Variants in GRIK1 observed in about 807,000 individuals in gnomAD.
GRIK1 encodes glutamate ionotropic receptor kainate type subunit 1.
Under a neutral mutation model 105.7 loss-of-function variants are expected in GRIK1, and 69 were observed. The observed-to-expected ratio is 0.65, with a 90% confidence interval of 0.54 to 0.80. The LOEUF is 0.80. GRIK1 is among the 30% of genes least tolerant of loss of function. The pLI is 0.00. For missense variants in GRIK1, 1,109 were observed against 1,167.3 expected, an observed-to-expected ratio of 0.95 and a Z score of 0.73; for synonymous variants, 438 against 431.3, an observed-to-expected ratio of 1.02 and a Z score of -0.19.
chr21:29,658,047 C>A (rs1455853126), intron 4 of GRIK1, among the ~76,000 whole-genome samples: 1 of 152,124 alleles, frequency 6.6e-6, no homozygotes, highest in Non-Finnish European at 1.5e-5. Context: ...TGGTGCTGAC[C>A]TAGGCAGTAT....
intron 1 of GRIK1, among the ~76,000 whole-genome samples, chr21:29,864,289 A>C (rs1400867876): frequency 6.6e-6 from 1 of 152,260 alleles, no homozygotes; most frequent in South Asian, 2.1e-4. Flanking sequence ...GGCCACAAAA[A>C]GTCTGATGTT....
At chr21:29,551,868 A>T (rs1568800214) in intron 16 of GRIK1, among the ~76,000 whole-genome samples, 2 of 152,182 alleles carry the variant, frequency 1.3e-5, no homozygotes, top group African/African-American at 4.8e-5. Flanking sequence ...TATGAAACTA[A>T]GAATAATGTC....
chr21:29,628,239 TA>T, intron 7 of GRIK1, among the ~76,000 whole-genome samples: 1 of 152,312 alleles, frequency 6.6e-6, no homozygotes, highest in East Asian at 1.9e-4. Context: ...AAATAAACAT[TA>T]AGCAAAGGAA....
rs199499739 is a variant in GRIK1 at position 29,598,007 on chromosome 21, G to GA, written c.1206+822dup. On this transcript the variant is annotated intron_variant, in intron 8 of 17. Transcript: ENST00000327783. ...CACACTGTCTTATTCACTATAGTGGGAAAAAAAATGTCAGATTATAGAGTT... is the reference window on the plus strand; with the variant it reads ...CACACTGTCTTATTCACTATAGTGGGAAAAAAAAATGTCAGATTATAGAGTT... 1.1e-3 allele frequency among the ~76,000 whole-genome samples: 173 copies of GA among 151,940 alleles called. 2 individuals carry two copies. The East Asian group carries it at 0.027, about 24-fold the overall frequency.
intron 9 of GRIK1, among the ~76,000 whole-genome samples, chr21:29,593,925 T>G (rs1422824491): frequency 1.3e-5 from 2 of 152,230 alleles, no homozygotes; most frequent in Non-Finnish European, 2.9e-5. Flanking sequence ...AGCTAAGAGA[T>G]CATTGCTGCT....
chr21:29,833,895 A>G (rs759760617), intron 1 of GRIK1, among the ~76,000 whole-genome samples: 8 of 152,194 alleles, frequency 5.3e-5, no homozygotes, highest in Admixed American at 1.3e-4. Flanking sequence ...TCACAGCACC[A>G]TGAACTTCTC....
At chr21:29,731,917 T>C (rs2064635917) in intron 1 of GRIK1, among the ~76,000 whole-genome samples, 1 of 152,230 alleles carries the variant, frequency 6.6e-6, no homozygotes, top group Non-Finnish European at 1.5e-5. Context: ...TGTTCTTCCT[T>C]CAATTTTAGC....
intron 1 of GRIK1, among the ~76,000 whole-genome samples, chr21:29,806,586 C>T (rs1394221234): frequency 5.3e-5 from 8 of 152,058 alleles, no homozygotes; most frequent in African/African-American, 1.9e-4. Context: ...GGAGTATCAT[C>T]CATATTGATC....
chr21:29,689,725 T>C lies in GRIK1; in HGVS notation c.544+3A>G, dbSNP rs773350589. On this transcript the variant is annotated splice_donor_region_variant and intron_variant, in intron 3 of 17. Coordinates refer to ENST00000327783, the MANE Select transcript of GRIK1 (RefSeq NM_001330994.2). Reference sequence around the variant, plus strand: ...CGGGTGAGGTCTTGTGTGAGTCCCATACCTGTGCTGTCTTCATACACCACT... The same window carrying C: ...CGGGTGAGGTCTTGTGTGAGTCCCACACCTGTGCTGTCTTCATACACCACT... 6.2e-7 allele frequency: 1 copy of C among 1,613,762 alleles called. No individual in the cohort carries two copies. The highest frequency in any genetic ancestry group is 2.2e-5 in the East Asian group (1 of 44,874).
At chr21:29,698,191 A>T (rs1230373955) in intron 1 of GRIK1, among the ~76,000 whole-genome samples, 1 of 152,104 alleles carries the variant, frequency 6.6e-6, no homozygotes, top group Non-Finnish European at 1.5e-5. Flanking sequence ...TTGGAGGCCC[A>T]TTGGTTTGAG....
chr21:29,569,561 A>G (rs951876535), intron 14 of GRIK1, among the ~76,000 whole-genome samples: 59 of 152,352 alleles, frequency 3.9e-4, no homozygotes, highest in African/African-American at 1.4e-3. Flanking sequence ...ATTTCTTGAG[A>G]AGAAGACTAG....
In GRIK1 at chr21:29,909,464, ATAAT is replaced by A. The variant is rs200516993; in HGVS notation, c.118+29915_118+29918del. On this transcript the variant is annotated intron_variant, in intron 1 of 17. Transcript: ENST00000327783. ...CTAATTAAATAGAATATTAAATAAA[ATAAT>A]TAATAGAATATTTAATTAAATAGAA... Among the ~76,000 whole-genome samples, 449 of 151,730 alleles carry A rather than the reference ATAAT, an allele frequency of 3.0e-3. 7 individuals carry two copies. The East Asian group carries it at 0.056, about 19-fold the overall frequency.
chr21:29,650,156 G>A (rs1039188772), intron 6 of GRIK1, among the ~76,000 whole-genome samples: 2 of 152,162 alleles, frequency 1.3e-5, no homozygotes, highest in Non-Finnish European at 2.9e-5. Context: ...TAGGGAGCCT[G>A]AACATAGAAT....
intron 6 of GRIK1, among the ~76,000 whole-genome samples, 154 bp from the exon 7 acceptor site, chr21:29,643,123 T>C (rs1024247650): frequency 1.3e-5 from 2 of 152,148 alleles, no homozygotes; most frequent in African/African-American, 4.8e-5. Flanking sequence ...CCAATAGCTA[T>C]TTTTCTCCAA....
chr21:29,815,671 T>C (rs2067136266), intron 1 of GRIK1, among the ~76,000 whole-genome samples: 2 of 152,168 alleles, frequency 1.3e-5, no homozygotes, highest in Non-Finnish European at 2.9e-5. Flanking sequence ...AAAAAGAATG[T>C]CTTTATCACT....
At chr21:29,851,434 G>A (rs1601853138) in intron 1 of GRIK1, among the ~76,000 whole-genome samples, 1 of 152,152 alleles carries the variant, frequency 6.6e-6, no homozygotes, top group South Asian at 2.1e-4. Context: ...ATAGACAAAA[G>A]GGAGATATAA....
chr21:29,873,852 T>C (rs2069102001), intron 1 of GRIK1, among the ~76,000 whole-genome samples: 1 of 152,226 alleles, frequency 6.6e-6, no homozygotes, highest in African/African-American at 2.4e-5. Context: ...CACCAGGGAC[T>C]AGTTTCGTGG....
intron 1 of GRIK1, among the ~76,000 whole-genome samples, chr21:29,932,841 A>C: frequency 6.6e-6 from 1 of 152,050 alleles, no homozygotes. Flanking sequence ...ATTTACCACA[A>C]ATTACATTCC....
chr21:29,772,933 T>C (rs2065849183), intron 1 of GRIK1, among the ~76,000 whole-genome samples: 1 of 152,184 alleles, frequency 6.6e-6, no homozygotes, highest in Non-Finnish European at 1.5e-5. Flanking sequence ...CAATTAAAAT[T>C]TCTAATGATT....
Sources: gnomAD v4.1 joint callset for allele counts (sites outside exome capture counted in the v4.1 genomes callset) on GRCh38, gnomAD v4.1.1 for gene constraint, MANE v1.5 for transcripts, NCBI Gene and HGNC (gene_info 2026-07-23, HGNC 2026-07-21) for gene names.